IFT80: variants seen among roughly 807,000 people sequenced by gnomAD.
IFT80 encodes intraflagellar transport 80.
In IFT80, 79 loss-of-function variants were observed where a neutral mutation model predicts 107.9. That is an observed-to-expected ratio of 0.73 (90% CI 0.61 to 0.88). The LOEUF is 0.88. IFT80 is among the 40% of genes least tolerant of loss of function. IFT80 has a pLI of 0.00. For synonymous variants in IFT80, 299 were observed against 300.9 expected (o/e 0.99, Z 0.07); for missense variants, 797 against 914.2 (o/e 0.87, Z 1.65).
At chr3:160,258,767 G>T (rs761835513) in intron 19 of IFT80, 132 bp from the exon 20 acceptor site, 7 of 1,211,368 alleles carry the variant, frequency 5.8e-6, no homozygotes, top group Non-Finnish European at 4.6e-6. Flanking sequence ...AGCATCAAAA[G>T]ATTAGAGAAA....
rs2108408923 is a variant in IFT80, at chr3:160,384,397, ATTAC to A, written c.37+163_37+166del. 4 of 1,281,314 alleles carry A rather than the reference ATTAC, an allele frequency of 3.1e-6. No individual in the cohort carries two copies. The East Asian group carries it at 1.3e-4, about 40-fold the overall frequency. 79.4% of individuals were successfully genotyped at this position (1,281,314 alleles called of 1,614,324 possible). Reference sequence around the variant, plus strand: ...TATAGCAAACGGTTCACTTTGGAGAATTACTTACAACACATGATCTTAAATACTT... The same window carrying A: ...TATAGCAAACGGTTCACTTTGGAGAATTACAACACATGATCTTAAATACTT... On this transcript the variant is annotated intron_variant, in intron 2 of 19. Coordinates refer to ENST00000326448, the MANE Select transcript of IFT80 (RefSeq NM_020800.3).
In IFT80 at chr3:160,333,086, T is replaced by C. The variant is rs571012794; in HGVS notation, c.778-13147A>G. On this transcript the variant is annotated intron_variant, in intron 8 of 19. Coordinates refer to ENST00000326448, the MANE Select transcript of IFT80 (RefSeq NM_020800.3). Reference sequence around the variant, plus strand: ...CTATCAAGCACCTTACTGAATACTATAGGAAACTGTCACACAACGATAGTA... The same window carrying C: ...CTATCAAGCACCTTACTGAATACTACAGGAAACTGTCACACAACGATAGTA... 4.6e-5 allele frequency among the ~76,000 whole-genome samples: 7 copies of C among 152,292 alleles called. No individual in the cohort carries two copies. In the East Asian group the frequency reaches 7.7e-4, roughly 17 times the overall value.
At chr3:160,313,980 T>TTCGCA (rs965533965) in intron 9 of IFT80, among the ~76,000 whole-genome samples, 9 of 152,168 alleles carry the variant, frequency 5.9e-5, no homozygotes, top group Non-Finnish European at 1.0e-4. Context: ...TTTCCTGATA[T>TTCGCA]TCGCATCACC....
rs112636069 is a variant in IFT80 at position 160,300,823 on chromosome 3, A to G, written c.1315+60T>C. 5.1e-4 allele frequency: 694 copies of G among 1,352,410 alleles called. 3 individuals carry two copies. The African/African-American group carries it at 7.4e-3, about 14-fold the overall frequency. 83.8% of individuals were successfully genotyped at this position (1,352,410 alleles called of 1,614,324 possible). On this transcript the variant is annotated intron_variant, in intron 12 of 19. Transcript: ENST00000326448. ...TAAGAAAATGTAAGTTAATTTGTGA[A>G]AATTTTATAGTGTTAACAAATTTCA...
chr3:160,322,042 A>ATTTATTTAT, intron 8 of IFT80, among the ~76,000 whole-genome samples: 1 of 144,028 alleles, frequency 6.9e-6, no homozygotes, highest in Admixed American at 7.0e-5. Flanking sequence ...TTATTTATTT[A>ATTTATTTAT]TTATTATTAT....
intron 1 of IFT80, 69 bp from the exon 2 acceptor site, chr3:160,384,715 A>G: frequency 8.1e-7 from 1 of 1,228,360 alleles, no homozygotes; most frequent in Non-Finnish European, 1.2e-6. Context: ...CAAACACAAA[A>G]GGCAAACAAA....
At position 160,282,476 on chromosome 3, in the gene IFT80, A is replaced by G. The variant is rs758820425; in HGVS notation, c.1516+2T>C. 6.4e-7 allele frequency: 1 copy of G among 1,568,520 alleles called. No homozygotes were observed. The highest frequency in any genetic ancestry group is 1.7e-5 in the Admixed American group (1 of 58,288). ...ACTTAAAATGTATTAAAATTATTTT[A>G]CCAAGCTTGATAATTTGTTCTTCCT... On this transcript the variant is annotated splice_donor_variant, in intron 14 of 19. Transcript: ENST00000326448. LOFTEE classifies it high-confidence loss of function.
intron 18 of IFT80, 142 bp downstream of exon 18, chr3:160,277,163 AT>A: frequency 1.3e-6 from 1 of 756,184 alleles, no homozygotes; most frequent in Non-Finnish European, 2.3e-6. Context: ...ATTGTAAACT[AT>A]TCACAAATAT....
chr3:160,375,857 T>G lies in IFT80; in HGVS notation c.394A>C (p.Ile132Leu), dbSNP rs376849101. The G allele has an allele frequency of 4.5e-5, 72 of 1,610,068 alleles. No individual in the cohort carries two copies. The highest frequency in any genetic ancestry group is 5.6e-5 in the Non-Finnish European group (66 of 1,176,998). Residue 132 changes from isoleucine to leucine, a missense_variant, in exon 5 of 20, where the codon ATT becomes CTT. By Grantham distance (5) the Ile-to-Leu change is conservative. Coordinates refer to ENST00000326448, the MANE Select transcript of IFT80 (RefSeq NM_020800.3). ...CTAAGCATCCCAGTCTTTGACCAAA[T>G]TTTTATTTGTCCATCTTCTCCAACT... ...VTVGEDGQIK[I>L]WSKTGMLRST... is the part of the protein sequence containing the mutation.
chr3:160,354,739 T>G (rs1720948553), intron 8 of IFT80, among the ~76,000 whole-genome samples: 1 of 152,008 alleles, frequency 6.6e-6, no homozygotes, highest in Non-Finnish European at 1.5e-5. Flanking sequence ...TTCCATGAAA[T>G]GAGAAAATGA....
At position 160,319,749 on chromosome 3, in the gene IFT80, CATA is replaced by C; in HGVS notation, c.957+8_957+10del. 1.2e-6 allele frequency: 2 copies of C among 1,610,116 alleles called. No individual in the cohort carries two copies. Among genetic ancestry groups the C allele is most frequent in the Non-Finnish European group, 1.7e-6 (2 of 1,176,798 alleles). ...GAAGCAGGTTTAATCAACCTTGGAA[CATA>C]ATAATACCTGCATGGCTCTTCTTTT... On this transcript the variant is annotated splice_region_variant and intron_variant, in intron 9 of 19. Coordinates refer to ENST00000326448, the MANE Select transcript of IFT80 (RefSeq NM_020800.3).
intron 18 of IFT80, among the ~76,000 whole-genome samples, chr3:160,272,772 A>G (rs1281307459): frequency 6.6e-6 from 1 of 152,056 alleles, no homozygotes; most frequent in Non-Finnish European, 1.5e-5. Flanking sequence ...CCCACTCCCT[A>G]CTGGGCCTTA....
At chr3:160,305,032 G>A (rs1330626777) in intron 10 of IFT80, among the ~76,000 whole-genome samples, 1 of 152,132 alleles carries the variant, frequency 6.6e-6, no homozygotes, top group Non-Finnish European at 1.5e-5. Flanking sequence ...TGAACAAACA[G>A]ATCATTTTGT....
intron 18 of IFT80, among the ~76,000 whole-genome samples, chr3:160,269,473 A>G (rs1470099132): frequency 6.6e-6 from 1 of 152,212 alleles, no homozygotes; most frequent in African/African-American, 2.4e-5. Context: ...GTTGACAGTC[A>G]TTTAAGTTTT....
intron 3 of IFT80, among the ~76,000 whole-genome samples, chr3:160,379,302 GAC>G (rs998605637): frequency 4.6e-5 from 7 of 152,082 alleles, no homozygotes; most frequent in African/African-American, 1.4e-4. Flanking sequence ...AAGCTAAAGA[GAC>G]ACAACAAAAA....
At chr3:160,262,883 T>C (rs1375317852) in intron 19 of IFT80, among the ~76,000 whole-genome samples, 1 of 152,104 alleles carries the variant, frequency 6.6e-6, no homozygotes, top group Non-Finnish European at 1.5e-5. Flanking sequence ...TCTAACACTT[T>C]CCCTAAGAAA....
intron 6 of IFT80, among the ~76,000 whole-genome samples, chr3:160,364,060 T>C (rs1369471629): frequency 6.6e-6 from 1 of 151,916 alleles, no homozygotes; most frequent in African/African-American, 2.4e-5. Flanking sequence ...ACCATCAGAG[T>C]GAACAGGCAA....
At chr3:160,344,804 A>G (rs1181590258) in intron 8 of IFT80, among the ~76,000 whole-genome samples, 1 of 152,212 alleles carries the variant, frequency 6.6e-6, no homozygotes, top group East Asian at 1.9e-4. Context: ...ACATTTCTTA[A>G]AAGAAGTCAT....
Position 160,257,588 on chromosome 3 carries a change from T to A in IFT80, c.*937A>T, listed in dbSNP as rs545408223. ...TCTTGCCCATTCTAGATATATTTTT[T>A]AAATTATGATAAAATATACATAACA... On this transcript the variant is annotated 3_prime_UTR_variant, in exon 20 of 20. Coordinates refer to ENST00000326448, the MANE Select transcript of IFT80 (RefSeq NM_020800.3). 4.6e-5 allele frequency: 7 copies of A among 152,294 alleles called. No individual in the cohort carries two copies. In the South Asian group the frequency reaches 6.2e-4, roughly 14 times the overall value. 9.4% of individuals were successfully genotyped at this position (152,294 alleles called of 1,614,324 possible). A position where few individuals can be genotyped will look rare whatever the true frequency, so the allele number is the denominator to read the frequency against.
Sources: gnomAD v4.1 joint callset for allele counts (sites outside exome capture counted in the v4.1 genomes callset) on GRCh38, gnomAD v4.1.1 for gene constraint, MANE v1.5 for transcripts, NCBI Gene and HGNC (gene_info 2026-07-23, HGNC 2026-07-21) for gene names.